EXT1: variants seen among roughly 807,000 people sequenced by gnomAD.
The protein encoded by EXT1 is exostosin glycosyltransferase 1.
EXT1 carries 20 observed loss-of-function variants against 82.5 expected under a neutral mutation model. That is an observed-to-expected ratio of 0.24 (90% CI 0.17 to 0.35). EXT1 has a LOEUF of 0.35. EXT1 is among the 10% of genes least tolerant of loss of function. The probability of loss-of-function intolerance (pLI) is 1.00; values close to 1 mark genes in which losing one functional copy is unlikely to be tolerated. For missense variants in EXT1, 757 were observed against 936.5 expected (o/e 0.81, Z 2.50); for synonymous variants, 348 against 350.8 (o/e 0.99, Z 0.09).
chr8:118,083,724 G>C (rs370838916), intron 1 of EXT1, among the ~76,000 whole-genome samples: 1 of 152,080 alleles, frequency 6.6e-6, no homozygotes, highest in Non-Finnish European at 1.5e-5. Flanking sequence ...TTGGTCAATG[G>C]GTCTCAATAA....
Position 117,814,234 on chromosome 8 carries a change from G to GGTGTGTGTGTGTGT in EXT1, c.1633-1287_1633-1274dup, listed in dbSNP as rs57727618. ...GGTGGACTACGTGTGCACACACAGT[G>GGTGTGTGTGTGTGT]GTGTGTGTGTGTGTGTGTGTGTGTG... On this transcript the variant is annotated intron_variant, in intron 7 of 10. Coordinates refer to ENST00000378204, the MANE Select transcript of EXT1 (RefSeq NM_000127.3). Among the ~76,000 whole-genome samples, 1,048 of 146,800 alleles carry GGTGTGTGTGTGTGT rather than the reference G, an allele frequency of 7.1e-3. 8 individuals carry two copies. Among genetic ancestry groups the GGTGTGTGTGTGTGT allele is most frequent in the African/African-American group, 0.02 (811 of 40,058 alleles).
intron 1 of EXT1, among the ~76,000 whole-genome samples, chr8:118,072,949 C>T (rs1029805922): frequency 2.8e-4 from 42 of 151,832 alleles, no homozygotes; most frequent in African/African-American, 1.0e-3. Flanking sequence ...GCCAATATAG[C>T]CATCCAAGAC....
chr8:117,907,633 T>C (rs1813567028), intron 1 of EXT1, among the ~76,000 whole-genome samples: 2 of 152,244 alleles, frequency 1.3e-5, no homozygotes, highest in South Asian at 4.1e-4. Flanking sequence ...GCTCTCACTT[T>C]GCTGTTTATT....
At chr8:118,080,179 G>A (rs552074935) in intron 1 of EXT1, among the ~76,000 whole-genome samples, 2 of 152,282 alleles carry the variant, frequency 1.3e-5, no homozygotes, top group South Asian at 2.1e-4. Context: ...TATGGAGGAC[G>A]CCTCCACAAA....
chr8:118,070,972 C>A (rs1410650081), intron 1 of EXT1, among the ~76,000 whole-genome samples: 27 of 152,186 alleles, frequency 1.8e-4, no homozygotes, highest in Admixed American at 1.8e-3. Context: ...CATTTGTGAT[C>A]TGACCCTTTC....
At position 118,110,413 on chromosome 8, in the gene EXT1, C is replaced by G; in HGVS notation, c.634G>C (p.Gly212Arg). The G allele has an allele frequency of 6.2e-7, 1 of 1,614,108 alleles. No individual in the cohort carries two copies. Among genetic ancestry groups the G allele is most frequent in the Non-Finnish European group, 8.5e-7 (1 of 1,180,032 alleles). ...CTGGCTTTGGCCAGCATCGCCTGGC[C>G]GATGTCAAACCCCACGTCCTCGGTG... ...DYTEDVGFDI[G>R]QAMLAKASIS... The change falls in exon 1 of 11, where the codon GGC becomes CGC. Residue 212 changes from glycine to arginine, a missense_variant. By Grantham distance (125) the Gly-to-Arg change is moderately radical (BLOSUM62 -2). Coordinates refer to ENST00000378204, the MANE Select transcript of EXT1 (RefSeq NM_000127.3).
intron 1 of EXT1, among the ~76,000 whole-genome samples, chr8:117,991,264 C>T (rs747976974): frequency 3.3e-5 from 5 of 152,012 alleles, no homozygotes; most frequent in Non-Finnish European, 7.4e-5. Context: ...GTGCATGCCA[C>T]CACGCCCAGC....
chr8:118,034,040 T>G (rs945003515), intron 1 of EXT1, among the ~76,000 whole-genome samples: 5 of 152,188 alleles, frequency 3.3e-5, no homozygotes, highest in Non-Finnish European at 5.9e-5. Context: ...AGAGGAAAAT[T>G]TAATCCAGGT....
intron 1 of EXT1, among the ~76,000 whole-genome samples, chr8:118,105,975 C>T (rs1235434323): frequency 6.6e-6 from 1 of 152,136 alleles, no homozygotes; most frequent in Non-Finnish European, 1.5e-5. Flanking sequence ...ATTCCCTAAA[C>T]CCCTTAGGGC....
intron 1 of EXT1, among the ~76,000 whole-genome samples, chr8:117,971,948 C>T (rs1032335658): frequency 3.9e-5 from 6 of 152,168 alleles, no homozygotes; most frequent in Middle Eastern, 6.8e-3. Context: ...GTCTGGAGTT[C>T]GAGACCAGCC....
chr8:117,931,354 G>A (rs992246271), intron 1 of EXT1, among the ~76,000 whole-genome samples: 12 of 152,050 alleles, frequency 7.9e-5, no homozygotes, highest in Admixed American at 4.6e-4. Context: ...CTTCAAAGGA[G>A]GCATGCTTAG....
intron 1 of EXT1, among the ~76,000 whole-genome samples, chr8:117,908,616 C>T (rs913551587): frequency 6.6e-6 from 1 of 151,666 alleles, no homozygotes. Flanking sequence ...GGCAACAGAG[C>T]GAGACACCAT....
At chr8:118,063,431 C>T (rs1046989908) in intron 1 of EXT1, among the ~76,000 whole-genome samples, 1 of 152,190 alleles carries the variant, frequency 6.6e-6, no homozygotes, top group African/African-American at 2.4e-5. Flanking sequence ...GAAGATGAGG[C>T]ATTTTCCTAA....
chr8:118,002,522 A>ATTTTT (rs1815690914), intron 1 of EXT1, among the ~76,000 whole-genome samples: 4 of 124,596 alleles, frequency 3.2e-5, no homozygotes, highest in Admixed American at 9.2e-5. Flanking sequence ...CAGTGTGAAT[A>ATTTTT]TTTTTCTTTT....
intron 1 of EXT1, among the ~76,000 whole-genome samples, chr8:117,980,019 T>A (rs1287889644): frequency 1.3e-5 from 2 of 152,118 alleles, no homozygotes; most frequent in African/African-American, 4.8e-5. Context: ...AATGAAGAGA[T>A]CTCCATGGTG....
At chr8:117,979,456 A>G (rs1248164119) in intron 1 of EXT1, among the ~76,000 whole-genome samples, 1 of 152,238 alleles carries the variant, frequency 6.6e-6, no homozygotes, top group East Asian at 1.9e-4. Context: ...GCATATTTTA[A>G]TGATTGTTTG....
intron 7 of EXT1, among the ~76,000 whole-genome samples, chr8:117,818,029 A>C (rs1811854249): frequency 1.3e-5 from 2 of 152,346 alleles, no homozygotes; most frequent in Non-Finnish European, 2.9e-5. Flanking sequence ...TAGCTCATTC[A>C]GATTAATCAG....
intron 1 of EXT1, among the ~76,000 whole-genome samples, chr8:118,043,548 T>G (rs1816571844): frequency 6.6e-6 from 1 of 152,234 alleles, no homozygotes; most frequent in Admixed American, 6.5e-5. Context: ...CCTCACTTAT[T>G]TATATGCTGC....
chr8:117,841,921 G>A (rs543823862), intron 1 of EXT1, among the ~76,000 whole-genome samples: 1 of 152,310 alleles, frequency 6.6e-6, no homozygotes, highest in East Asian at 1.9e-4. Flanking sequence ...GGGGAGTGTA[G>A]CATAGAGCAG....
Sources: gnomAD v4.1 joint callset for allele counts (sites outside exome capture counted in the v4.1 genomes callset) on GRCh38, gnomAD v4.1.1 for gene constraint, MANE v1.5 for transcripts, NCBI Gene and HGNC (gene_info 2026-07-23, HGNC 2026-07-21) for gene names.